RAP1GAP2: variants seen among roughly 807,000 people sequenced by gnomAD.
RAP1GAP2 encodes the protein RAP1 GTPase activating protein 2.
Under a neutral mutation model 95.0 loss-of-function variants are expected in RAP1GAP2, and 27 were observed. The observed-to-expected ratio is 0.28, with a 90% CI of 0.21 to 0.39. The LOEUF is 0.39. Ranked by LOEUF, RAP1GAP2 falls within the 10% of genes least tolerant of loss-of-function variation. The pLI is 1.00. For synonymous variants in RAP1GAP2, 373 were observed against 380.9 expected, an observed-to-expected ratio of 0.98 and a Z score of 0.24; for missense variants, 771 against 970.0, an observed-to-expected ratio of 0.79 and a Z score of 2.72.
At chr17:2,853,473 G>C (rs1567711208) in intron 2 of RAP1GAP2, among the ~76,000 whole-genome samples, 2 of 151,016 alleles carry the variant, frequency 1.3e-5, no homozygotes, top group Non-Finnish European at 3.0e-5. Flanking sequence ...GGAGCTCGGG[G>C]CCGCCGGCGG....
chr17:2,842,529 C>CAAAAAAA (rs34473053), intron 2 of RAP1GAP2, among the ~76,000 whole-genome samples: 1 of 78,066 alleles, frequency 1.3e-5, no homozygotes, highest in Non-Finnish European at 2.6e-5. Context: ...GATTCCGTCT[C>CAAAAAAA]AAAAAAAAAA....
rs150547114 is a variant in RAP1GAP2, at chr17:2,963,492, C to T, written c.279+30C>T. The T allele has an allele frequency of 2.7e-4, 436 of 1,613,510 alleles. 1 individual carries two copies. The highest frequency in any genetic ancestry group is 3.5e-4 in the Non-Finnish European group (409 of 1,179,524). On this transcript the variant is annotated intron_variant, in intron 6 of 24. Transcript: ENST00000254695. The surrounding 1 kb of genome is among the most constrained non-coding windows in gnomAD (Gnocchi z 4.8). Reference sequence around the variant, plus strand: ...GTGCCCTCCCCTCACTCCCACCTGCCCTGCAGCCTGCTCTGGGTCCCGTCC... The same window carrying T: ...GTGCCCTCCCCTCACTCCCACCTGCTCTGCAGCCTGCTCTGGGTCCCGTCC...
intron 1 of RAP1GAP2, among the ~76,000 whole-genome samples, chr17:2,779,386 T>G (rs1324720138): frequency 6.6e-6 from 1 of 152,144 alleles, no homozygotes; most frequent in African/African-American, 2.4e-5. Flanking sequence ...GCTCAGATAG[T>G]CATTCACTCA....
intron 23 of RAP1GAP2, among the ~76,000 whole-genome samples, chr17:3,031,958 AG>A (rs1368465136): frequency 6.7e-6 from 1 of 149,114 alleles, no homozygotes; most frequent in East Asian, 2.0e-4. Context: ...GTGAGGTGGA[AG>A]GTGCTGGTTC....
intron 3 of RAP1GAP2, among the ~76,000 whole-genome samples, chr17:2,922,692 T>C (rs1269498225): frequency 1.3e-5 from 2 of 152,198 alleles, no homozygotes; most frequent in East Asian, 3.8e-4. Context: ...TATGGGGCCA[T>C]GGCAGGTGCT....
chr17:2,976,135 G>A (rs2045106857), intron 8 of RAP1GAP2, among the ~76,000 whole-genome samples: 1 of 152,230 alleles, frequency 6.6e-6, no homozygotes, highest in African/African-American at 2.4e-5. Flanking sequence ...CTGAGTTATA[G>A]TGGGAGATTT....
At chr17:2,928,935 T>C (rs1164710111) in intron 3 of RAP1GAP2, among the ~76,000 whole-genome samples, 1 of 152,048 alleles carries the variant, frequency 6.6e-6, no homozygotes, top group African/African-American at 2.4e-5. Context: ...TGGGTGGAGC[T>C]TCCAGGGTGG....
rs2151640262 is a variant in RAP1GAP2, at chr17:2,871,307, C to T, written c.81-33977C>T. Among the ~76,000 whole-genome samples, 1 of 152,276 alleles carries T rather than the reference C, an allele frequency of 6.6e-6. No homozygotes were observed. Among genetic ancestry groups the T allele is most frequent in the East Asian group, 1.9e-4 (1 of 5,186 alleles). On this transcript the variant is annotated intron_variant, in intron 2 of 24. Transcript: ENST00000254695. This position sits in a 1 kb window ranked among gnomAD's most constrained non-coding sequence, Gnocchi z 5.0. ...TTTCCCCCAGAGAGGAAGGAAAGCTCCTTTCCAACAGCTCTGGTTAGATAC... is the reference window on the plus strand; with the variant it reads ...TTTCCCCCAGAGAGGAAGGAAAGCTTCTTTCCAACAGCTCTGGTTAGATAC...
At chr17:3,016,882 C>G (rs1461967096) in intron 17 of RAP1GAP2, among the ~76,000 whole-genome samples, 1 of 152,198 alleles carries the variant, frequency 6.6e-6, no homozygotes, top group Non-Finnish European at 1.5e-5. Flanking sequence ...AGCCCAGATA[C>G]AAATCCTGGC....
chr17:2,810,500 A>G (rs1330925575), intron 2 of RAP1GAP2, among the ~76,000 whole-genome samples: 4 of 123,828 alleles, frequency 3.2e-5, no homozygotes, highest in Admixed American at 8.2e-5. Flanking sequence ...TTTTAATGCT[A>G]TCCCTCCCCT....
rs2042215646 is a variant in RAP1GAP2, at chr17:2,906,918, A to AT, written c.165+1556dup. ...CACTCTGGCTTAGTCATAAAAGGGT[A>AT]TTTTTTGCCTTTGTAATTGCAAGCA... On this transcript the variant is annotated intron_variant, in intron 3 of 24. Transcript: ENST00000254695. The surrounding 1 kb of genome is among the most constrained non-coding windows in gnomAD (Gnocchi z 4.3). Among the ~76,000 whole-genome samples the AT allele has an allele frequency of 6.6e-6, 1 of 151,982 alleles. No individual in the cohort carries two copies. Among genetic ancestry groups the AT allele is most frequent in the Non-Finnish European group, 1.5e-5 (1 of 68,002 alleles).
chr17:2,916,524 T>C (rs957024903), intron 3 of RAP1GAP2, among the ~76,000 whole-genome samples: 11 of 152,238 alleles, frequency 7.2e-5, no homozygotes, highest in African/African-American at 2.7e-4. Context: ...CAGGTTTGTC[T>C]GTGTGGGTCT....
chr17:2,800,634 G>A, intron 2 of RAP1GAP2, 84 bp downstream of exon 2: 1 of 1,404,150 alleles, frequency 7.1e-7, no homozygotes, highest in South Asian at 1.2e-5. Context: ...GGTTGTGGGA[G>A]ACACAAGAGG....
intron 3 of RAP1GAP2, among the ~76,000 whole-genome samples, chr17:2,913,681 C>T (rs955776661): frequency 1.3e-4 from 20 of 152,166 alleles, no homozygotes; most frequent in African/African-American, 4.8e-4. Flanking sequence ...CACAGAAATG[C>T]GTAAGTCTTA....
At chr17:2,840,247 C>G (rs1395882961) in intron 2 of RAP1GAP2, among the ~76,000 whole-genome samples, 1 of 149,792 alleles carries the variant, frequency 6.7e-6, no homozygotes, top group Non-Finnish European at 1.5e-5. Flanking sequence ...CACTGCGACC[C>G]CCACCTCCTG....
chr17:2,848,945 G>A (rs1349632214), intron 2 of RAP1GAP2, among the ~76,000 whole-genome samples: 1 of 152,154 alleles, frequency 6.6e-6, no homozygotes, highest in Non-Finnish European at 1.5e-5. Flanking sequence ...TCCCAGAGAC[G>A]CAACTGTGCT....
At chr17:3,016,371 C>T (rs111228335) in intron 17 of RAP1GAP2, among the ~76,000 whole-genome samples, 5 of 152,370 alleles carry the variant, frequency 3.3e-5, no homozygotes, top group South Asian at 4.1e-4. Context: ...AGGAGGAGGA[C>T]ACGTTTGGCT....
intron 8 of RAP1GAP2, among the ~76,000 whole-genome samples, chr17:2,970,294 A>ATAAT (rs773297311): frequency 5.2e-5 from 6 of 116,058 alleles, no homozygotes; most frequent in East Asian, 2.4e-4. Flanking sequence ...AAAAAAAAAA[A>ATAAT]AATAATAATA....
upstream of RAP1GAP2, among the ~76,000 whole-genome samples, chr17:2,775,737 T>G (rs1245454125): frequency 1.3e-5 from 2 of 152,132 alleles, no homozygotes; most frequent in Non-Finnish European, 2.9e-5. Context: ...TAAGCCATAG[T>G]CAAAGGCCGC....
Sources: allele counts gnomAD v4.1 joint callset (sites outside exome capture counted in the v4.1 genomes callset), GRCh38; gene constraint gnomAD v4.1.1; non-coding constraint Gnocchi (gnomAD v3.1); transcripts MANE v1.5; gene names NCBI Gene and HGNC (gene_info 2026-07-23, HGNC 2026-07-21).